Variants in ARHGAP18 observed in about 807,000 individuals in gnomAD.
The protein encoded by ARHGAP18 is rho GTPase-activating protein 18.
ARHGAP18 carries 67 observed loss-of-function variants against 86.2 expected under a neutral mutation model. The observed-to-expected ratio is 0.78, with a 90% CI of 0.64 to 0.95. The LOEUF is 0.95. ARHGAP18 is among the 40% of genes least tolerant of loss of function. ARHGAP18 has a pLI of 0.00. For synonymous variants in ARHGAP18, 283 were observed against 280.4 expected (o/e 1.01, Z -0.09); for missense variants, 691 against 780.4 (o/e 0.89, Z 1.37).
intron 2 of ARHGAP18, 30 bp downstream of exon 2, chr6:129,641,783 AAAC>A (rs1212151938): frequency 6.3e-7 from 1 of 1,579,912 alleles, no homozygotes; most frequent in Non-Finnish European, 8.7e-7. Flanking sequence ...ATACATATAC[AAAC>A]AACAAAAGCT....
chr6:129,592,616 G>A (rs1417040272), intron 12 of ARHGAP18, among the ~76,000 whole-genome samples: 1 of 152,172 alleles, frequency 6.6e-6, no homozygotes, highest in Non-Finnish European at 1.5e-5. Context: ...GAGGTCAGAA[G>A]TGGTGAGCAG....
At chr6:129,631,289 C>T (rs1444985508) in intron 4 of ARHGAP18, among the ~76,000 whole-genome samples, 1 of 152,040 alleles carries the variant, frequency 6.6e-6, no homozygotes, top group Non-Finnish European at 1.5e-5. Context: ...AATAAATACC[C>T]CCACACTCAC....
chr6:129,635,868 T>C (rs1486597495), intron 3 of ARHGAP18, among the ~76,000 whole-genome samples: 1 of 152,226 alleles, frequency 6.6e-6, no homozygotes, highest in African/African-American at 2.4e-5. Context: ...CTCCATCAGA[T>C]GATACAATCC....
chr6:129,662,490 A>G (rs137965366), intron 1 of ARHGAP18, among the ~76,000 whole-genome samples: 203 of 152,382 alleles, frequency 1.3e-3, no homozygotes, highest in Non-Finnish European at 2.2e-3. Flanking sequence ...AGTCCTTCAC[A>G]TTAGCCCGTG....
At chr6:129,583,703 G>A (rs762109186) in intron 13 of ARHGAP18, among the ~76,000 whole-genome samples, 10 of 152,030 alleles carry the variant, frequency 6.6e-5, no homozygotes, top group Admixed American at 2.0e-4. Context: ...GAGTGGTCTC[G>A]CTTGGCAAGC....
At position 129,643,502 on chromosome 6, in the gene ARHGAP18, A is replaced by T. The variant is rs552977636; in HGVS notation, c.114-1484T>A. Reference sequence around the variant, plus strand: ...CCTGAGGCTTCCCCAGCCATACTGAACTGTGAGTCAATTAAACCTCTTCCC... The same window carrying T: ...CCTGAGGCTTCCCCAGCCATACTGATCTGTGAGTCAATTAAACCTCTTCCC... On this transcript the variant is annotated intron_variant, in intron 1 of 14. Coordinates refer to ENST00000368149, the MANE Select transcript of ARHGAP18 (RefSeq NM_033515.3). Among the ~76,000 whole-genome samples, 5 of 152,274 alleles carry T rather than the reference A, an allele frequency of 3.3e-5. No individual in the cohort carries two copies. The South Asian group carries it at 8.3e-4, about 25-fold the overall frequency.
chr6:129,584,873 C>T (rs533265038), intron 12 of ARHGAP18, among the ~76,000 whole-genome samples: 1 of 152,228 alleles, frequency 6.6e-6, no homozygotes, highest in South Asian at 2.1e-4. Context: ...AAAGATAATG[C>T]TTTAAATAAT....
chr6:129,623,784 A>C (rs1245988389), intron 5 of ARHGAP18, among the ~76,000 whole-genome samples: 1 of 152,256 alleles, frequency 6.6e-6, no homozygotes, highest in Non-Finnish European at 1.5e-5. Context: ...GCATATTTGC[A>C]TAAAAAAATA....
intron 9 of ARHGAP18, among the ~76,000 whole-genome samples, chr6:129,606,444 G>A (rs1788855533): frequency 6.6e-6 from 1 of 152,118 alleles, no homozygotes. Context: ...AATGCCTGTG[G>A]AATAAATTAG....
chr6:129,686,155 A>G (rs1774420227), intron 1 of ARHGAP18, among the ~76,000 whole-genome samples: 1 of 152,212 alleles, frequency 6.6e-6, no homozygotes, highest in South Asian at 2.1e-4. Context: ...ATTTCCTCGG[A>G]TCCCCTCTCT....
intron 1 of ARHGAP18, among the ~76,000 whole-genome samples, chr6:129,653,620 A>T (rs1248552272): frequency 1.3e-5 from 2 of 152,246 alleles, no homozygotes; most frequent in Non-Finnish European, 2.9e-5. Context: ...GAATATGTGA[A>T]TACTACTACA....
At chr6:129,633,900 A>G (rs1290565210) in intron 4 of ARHGAP18, 142 bp downstream of exon 4, 2 of 673,852 alleles carry the variant, frequency 3.0e-6, no homozygotes, top group Middle Eastern at 3.6e-4. Context: ...TCAGCCTCAC[A>G]TAATGATCCA....
intron 8 of ARHGAP18, among the ~76,000 whole-genome samples, chr6:129,610,557 G>T (rs1386900804): frequency 1.3e-5 from 2 of 152,202 alleles, no homozygotes; most frequent in Non-Finnish European, 2.9e-5. Context: ...TCGTCTGGCC[G>T]GCTCACTAAG....
intron 5 of ARHGAP18, among the ~76,000 whole-genome samples, chr6:129,623,095 A>G (rs1789267532): frequency 6.6e-6 from 1 of 151,966 alleles, no homozygotes. Flanking sequence ...TGTTACCATA[A>G]ATTAACTAGG....
At chr6:129,705,058 TCAC>T (rs1201020808) in intron 1 of ARHGAP18, among the ~76,000 whole-genome samples, 1 of 152,212 alleles carries the variant, frequency 6.6e-6, no homozygotes, top group Non-Finnish European at 1.5e-5. Context: ...ATTTTGGGGC[TCAC>T]CTGTCACCTG....
chr6:129,613,148 G>A (rs1046782363), intron 7 of ARHGAP18, among the ~76,000 whole-genome samples: 5 of 151,234 alleles, frequency 3.3e-5, no homozygotes, highest in Admixed American at 3.3e-4. Context: ...CAGGAGAATG[G>A]TGTGAACCCC....
chr6:129,623,959 GAAC>G (rs1184419216), intron 5 of ARHGAP18, among the ~76,000 whole-genome samples: 1 of 152,154 alleles, frequency 6.6e-6, no homozygotes, highest in African/African-American at 2.4e-5. Flanking sequence ...GGCAAATATG[GAAC>G]AACAGAGGGG....
At chr6:129,644,835 A>G (rs1773546213) in intron 1 of ARHGAP18, among the ~76,000 whole-genome samples, 2 of 152,358 alleles carry the variant, frequency 1.3e-5, no homozygotes, top group Admixed American at 1.3e-4. Context: ...TTACATAAAT[A>G]CACCATCTAT....
At chr6:129,674,422 T>G (rs1357873823) in intron 1 of ARHGAP18, among the ~76,000 whole-genome samples, 1 of 152,252 alleles carries the variant, frequency 6.6e-6, no homozygotes, top group Non-Finnish European at 1.5e-5. Flanking sequence ...ATTATTTTTC[T>G]GTGACACGAC....
Sources: gnomAD v4.1 joint callset for allele counts (sites outside exome capture counted in the v4.1 genomes callset) on GRCh38, gnomAD v4.1.1 for gene constraint, MANE v1.5 for transcripts, NCBI Gene and HGNC (gene_info 2026-07-23, HGNC 2026-07-21) for gene names.